Variants in TRIM5 observed in about 807,000 individuals in gnomAD.
TRIM5 encodes tripartite motif-containing protein 5.
In TRIM5, 31 loss-of-function variants were observed where a neutral mutation model predicts 35.6. That is an observed-to-expected ratio of 0.87 (90% CI 0.65 to 1.18). The LOEUF is 1.18. Ranked by LOEUF, TRIM5 falls within the 50% of genes most tolerant of loss-of-function variation. The probability of loss-of-function intolerance (pLI) is 0.00; values close to 1 mark genes in which losing one functional copy is unlikely to be tolerated. For synonymous variants in TRIM5, 243 were observed against 215.6 expected (o/e 1.13, Z -1.11); for missense variants, 609 against 591.6 (o/e 1.03, Z -0.31).
At chr11:5,622,401 C>T in the TRIM5 span, among the ~76,000 whole-genome samples, 2 of 150,522 alleles carry the variant, frequency 1.3e-5, no homozygotes, top group Admixed American at 6.6e-5. Flanking sequence ...GCCGAGATCA[C>T]GCCACTGCAC....
At chr11:5,616,093 G>C in the TRIM5 span, among the ~76,000 whole-genome samples, 6 of 151,356 alleles carry the variant, frequency 4.0e-5, no homozygotes, top group East Asian at 1.2e-3. Context: ...TGGGACTACA[G>C]GCGCCCACCA....
chr11:5,667,790 G>A, intron 4 of TRIM5, 79 bp from the exon 5 acceptor site: 16 of 1,504,062 alleles, frequency 1.1e-5, no homozygotes, highest in Non-Finnish European at 1.2e-5. Flanking sequence ...ATTTCCCCCG[G>A]TTCCTAATGT....
At chr11:5,611,296 C>G in the TRIM5 span, 1 of 1,614,116 alleles carries the variant, frequency 6.2e-7, no homozygotes, top group Non-Finnish European at 8.5e-7. Flanking sequence ...TATTTTAATC[C>G]TTGCAACTGT....
At chr11:5,625,488 G>A in the TRIM5 span, among the ~76,000 whole-genome samples, 1 of 152,192 alleles carries the variant, frequency 6.6e-6, no homozygotes, top group Admixed American at 6.5e-5. Flanking sequence ...TGTTTTCCAA[G>A]TGTGTGCAGG....
the TRIM5 span, chr11:5,626,599 A>C: frequency 1.3e-5 from 2 of 152,174 alleles, no homozygotes; most frequent in East Asian, 3.9e-4. Context: ...GTGAGTTCTT[A>C]CCAGGCGCGG....
chr11:5,643,104 T>C, the TRIM5 span: 4 of 1,128,346 alleles, frequency 3.5e-6, no homozygotes, highest in Non-Finnish European at 3.4e-6. Flanking sequence ...CAGATGATTA[T>C]ATTCATATAC....
At chr11:5,610,233 C>G in the TRIM5 span, 16 of 1,613,924 alleles carry the variant, frequency 9.9e-6, no homozygotes, top group East Asian at 3.6e-4. Context: ...AAGGATGCTG[C>G]GAGTGTGTAG....
downstream of TRIM5, among the ~76,000 whole-genome samples, chr11:5,660,592 T>G (rs1850779820): frequency 6.6e-6 from 1 of 152,220 alleles, no homozygotes; most frequent in African/African-American, 2.4e-5. Context: ...CTAGACAATC[T>G]TTAACTATAT....
rs940387804 is a variant in TRIM5 at position 5,664,624 on chromosome 11, T to C, written c.*185A>G. 1 of 1,327,264 alleles carries C rather than the reference T, an allele frequency of 7.5e-7. No individual in the cohort carries two copies. The highest frequency in any genetic ancestry group is 9.6e-7 in the Non-Finnish European group (1 of 1,043,172). The allele number at this position is 1,327,264 out of a possible 1,614,324, so 82.2% of individuals were successfully genotyped here. ...GAAAAAAATTGCTATCAAATGTCAA[T>C]AAAATATTGGGGACAATATGGCACA... is the stretch of plus-strand genomic sequence containing the variant. On this transcript the variant is annotated 3_prime_UTR_variant, in exon 8 of 8. Coordinates refer to ENST00000380034, the MANE Select transcript of TRIM5 (RefSeq NM_033034.3).
chr11:5,603,168 CAGG>C, the TRIM5 span: 1 of 1,536,832 alleles, frequency 6.5e-7, no homozygotes, highest in Non-Finnish European at 8.7e-7. Context: ...CCTCTTTATC[CAGG>C]ACTGGGCAGT....
the TRIM5 span, among the ~76,000 whole-genome samples, chr11:5,625,750 C>T: frequency 1.3e-5 from 2 of 152,218 alleles, no homozygotes; most frequent in East Asian, 1.9e-4. Context: ...CCTGAACATA[C>T]CTGTTTACTT....
At chr11:5,611,402 C>A in the TRIM5 span, 1 of 1,303,008 alleles carries the variant, frequency 7.7e-7, no homozygotes, top group South Asian at 1.4e-5. Context: ...GCATGTGATT[C>A]TCCCTTCTGA....
chr11:5,617,228 G>C, the TRIM5 span, among the ~76,000 whole-genome samples: 6 of 144,570 alleles, frequency 4.2e-5, no homozygotes, highest in Admixed American at 4.2e-4. Flanking sequence ...AAAAAGCAGA[G>C]GAGAAATGTT....
At chr11:5,608,330 G>A in the TRIM5 span, 1 of 1,612,062 alleles carries the variant, frequency 6.2e-7, no homozygotes, top group Non-Finnish European at 8.5e-7. Flanking sequence ...ATAAGGGCAT[G>A]ACCTGTTACT....
At chr11:5,622,122 A>C in the TRIM5 span, among the ~76,000 whole-genome samples, 1 of 152,236 alleles carries the variant, frequency 6.6e-6, no homozygotes, top group African/African-American at 2.4e-5. Flanking sequence ...TTGCATGTCC[A>C]TTGAACTCAG....
At chr11:5,673,783 T>A (rs905830749) in intron 4 of TRIM5, among the ~76,000 whole-genome samples, 4 of 152,160 alleles carry the variant, frequency 2.6e-5, no homozygotes, top group African/African-American at 4.8e-5. Flanking sequence ...AATTCTTCAA[T>A]GCTTTAAAAT....
rs1852281702 is a variant in TRIM5 at position 5,679,747 on chromosome 11, T to A, written c.417+14A>T. 1 of 1,559,696 alleles carries A rather than the reference T, an allele frequency of 6.4e-7. No individual in the cohort carries two copies. Among genetic ancestry groups the A allele is most frequent in the Non-Finnish European group, 8.7e-7 (1 of 1,151,436 alleles). On this transcript the variant is annotated intron_variant, in intron 2 of 7. Transcript: ENST00000380034. ...CATTTTCTGCCCTCTCTTCCTTCCA[T>A]CCCAGTCTCTTACTTGGTACTCCCG...
intron 4 of TRIM5, chr11:5,669,979 C>G (rs1403365430): frequency 4.3e-5 from 7 of 160,930 alleles, no homozygotes; most frequent in African/African-American, 7.2e-5. Flanking sequence ...CATCTGAAAA[C>G]AAAAAACAAA....
downstream of TRIM5, among the ~76,000 whole-genome samples, chr11:5,660,133 T>C (rs1417098560): frequency 6.6e-6 from 1 of 152,020 alleles, no homozygotes; most frequent in Non-Finnish European, 1.5e-5. Flanking sequence ...CCCACCACCA[T>C]GCCCGGCTAA....
Sources: allele counts gnomAD v4.1 joint callset (sites outside exome capture counted in the v4.1 genomes callset), GRCh38; gene constraint gnomAD v4.1.1; transcripts MANE v1.5; gene names NCBI Gene and HGNC (gene_info 2026-07-23, HGNC 2026-07-21).